The following LARP4 variants were observed in gnomAD, a reference collection of about 807,000 sequenced individuals.
The protein encoded by LARP4 is la-related protein 4.
Under a neutral mutation model 92.9 loss-of-function variants are expected in LARP4, and 29 were observed. The ratio of observed to expected loss-of-function variants is 0.31; its 90% CI spans 0.23 to 0.43. The LOEUF is 0.43. Ranked by LOEUF, LARP4 falls within the 20% of genes least tolerant of loss-of-function variation. The pLI is 1.00. For missense variants in LARP4, 732 were observed against 860.0 expected (o/e 0.85, Z 1.86); for synonymous variants, 279 against 284.1 (o/e 0.98, Z 0.18).
chr12:50,462,562 CA>C lies in LARP4; in HGVS notation c.1335-19del. On this transcript the variant is annotated intron_variant, in intron 11 of 15. Transcript: ENST00000398473. ...TTGTCCCTCCACCCCACCCCACCCC[CA>C]CCTTTTTCTTATTAAAAGGAGAACT... 1 of 1,454,602 alleles carries C rather than the reference CA, an allele frequency of 6.9e-7. No homozygotes were observed. The highest frequency in any genetic ancestry group is 9.5e-7 in the Non-Finnish European group (1 of 1,050,070). 90.1% of individuals were successfully genotyped at this position (1,454,602 alleles called of 1,614,324 possible). A position where few individuals can be genotyped will look rare whatever the true frequency, so the allele number is the denominator to read the frequency against.
At chr12:50,457,752 T>G (rs959755888) in intron 10 of LARP4, among the ~76,000 whole-genome samples, 2 of 150,050 alleles carry the variant, frequency 1.3e-5, no homozygotes, top group Admixed American at 6.7e-5. Context: ...AGGCAGAGGT[T>G]GTAATGAGCT....
chr12:50,435,553 G>C lies in LARP4; in HGVS notation c.464G>C (p.Trp155Ser), dbSNP rs753577735. The C allele has an allele frequency of 2.5e-6, 4 of 1,601,304 alleles. No individual in the cohort carries two copies. The Admixed American group carries it at 6.7e-5, about 27-fold the overall frequency. Reference sequence around the variant, plus strand: ...GATAGTGATCAGTTCATCCCAATTTGGACAGTTGCCAACATGGAAGAAATA... The same window carrying C: ...GATAGTGATCAGTTCATCCCAATTTCGACAGTTGCCAACATGGAAGAAATA... ...QMDSDQFIPIWTVANMEEIKK... is the reference protein window; with the variant it reads ...QMDSDQFIPISTVANMEEIKK... Residue 155 changes from tryptophan (W) to serine (S), a missense_variant, in exon 5 of 16, where the codon TGG becomes TCG. This residue lies in a region of LARP4 where 236 missense variants were observed against 307.6 expected (regional missense o/e 0.77). Coordinates refer to ENST00000398473, the MANE Select transcript of LARP4 (RefSeq NM_052879.5).
At chr12:50,421,648 A>AAATAAATG (rs1947817789) in intron 1 of LARP4, among the ~76,000 whole-genome samples, 3 of 9,484 alleles carry the variant, frequency 3.2e-4, no homozygotes, top group African/African-American at 3.3e-4. Context: ...ATCACAAAAT[A>AAATAAATG]AATAAATAAA....
intron 7 of LARP4, among the ~76,000 whole-genome samples, chr12:50,440,780 T>C (rs1951083816): frequency 6.6e-6 from 1 of 152,196 alleles, no homozygotes; most frequent in South Asian, 2.1e-4. Flanking sequence ...ACATAACAGT[T>C]TTAAAATTAA....
intron 5 of LARP4, among the ~76,000 whole-genome samples, chr12:50,436,242 G>A (rs1001620169): frequency 1.3e-5 from 2 of 150,838 alleles, no homozygotes; most frequent in Non-Finnish European, 2.9e-5. Flanking sequence ...GTATATGTGT[G>A]TATGTATATA....
chr12:50,434,025 C>T (rs957614923), intron 4 of LARP4, among the ~76,000 whole-genome samples: 1 of 152,132 alleles, frequency 6.6e-6, no homozygotes, highest in Non-Finnish European at 1.5e-5. Context: ...ATTGATTGAA[C>T]AGCAGCGATC....
chr12:50,447,599 C>T (rs544575207), intron 8 of LARP4, among the ~76,000 whole-genome samples: 72 of 152,174 alleles, frequency 4.7e-4, no homozygotes, highest in African/African-American at 1.7e-3. Flanking sequence ...TTTAAAGAGA[C>T]AGGGTCTCAC....
At chr12:50,426,435 A>AGTG (rs1343923685) in intron 1 of LARP4, among the ~76,000 whole-genome samples, 1 of 152,188 alleles carries the variant, frequency 6.6e-6, no homozygotes, top group Non-Finnish European at 1.5e-5. Context: ...GCTTCAAATC[A>AGTG]GTGGCTACCA....
At chr12:50,456,343 A>G (rs1427347731) in intron 10 of LARP4, among the ~76,000 whole-genome samples, 1 of 152,034 alleles carries the variant, frequency 6.6e-6, no homozygotes, top group Non-Finnish European at 1.5e-5. Context: ...TGACCAATAC[A>G]GGTTGGTAAT....
intron 8 of LARP4, among the ~76,000 whole-genome samples, chr12:50,444,759 A>C (rs1951744774): frequency 6.6e-6 from 1 of 152,192 alleles, no homozygotes; most frequent in African/African-American, 2.4e-5. Flanking sequence ...TTTCATTAAG[A>C]GGCAGTGCTT....
At position 50,475,624 on chromosome 12, in the gene LARP4, G is replaced by A. The variant is rs1565777119; in HGVS notation, c.1935G>A (p.Val645=). Reference sequence around the variant, plus strand: ...CACTACGGGAACTTCGCTCCAATGTGGTGTCTCCCACCAAAAATGAAGACA... The same window carrying A: ...CACTACGGGAACTTCGCTCCAATGTAGTGTCTCCCACCAAAAATGAAGACA... ...VQPLRELRSN[V]VSPTKNEDNG... is the part of the protein sequence containing the mutation. Residue 645 remains valine (V), a synonymous_variant, in exon 16 of 16, where the codon GTG becomes GTA. Coordinates refer to ENST00000398473, the MANE Select transcript of LARP4 (RefSeq NM_052879.5). The A allele has an allele frequency of 6.2e-7, 1 of 1,614,044 alleles. No homozygotes were observed. Among genetic ancestry groups the A allele is most frequent in the Non-Finnish European group, 8.5e-7 (1 of 1,180,012 alleles).
chr12:50,418,167 TTG>T (rs1947166310), intron 1 of LARP4, among the ~76,000 whole-genome samples: 1 of 152,070 alleles, frequency 6.6e-6, no homozygotes, highest in Non-Finnish European at 1.5e-5. Flanking sequence ...GGCCCAATTT[TTG>T]TGTTTTTATT....
intron 8 of LARP4, among the ~76,000 whole-genome samples, chr12:50,442,844 C>T (rs1237532096): frequency 6.6e-6 from 1 of 152,180 alleles, no homozygotes; most frequent in East Asian, 1.9e-4. Flanking sequence ...TTAAGAGGTT[C>T]TAAGAACTTA....
intron 8 of LARP4, among the ~76,000 whole-genome samples, chr12:50,446,072 G>A (rs558275544): frequency 4.2e-5 from 6 of 144,286 alleles, no homozygotes; most frequent in Admixed American, 1.4e-4. Context: ...GCACAAACTC[G>A]GCTCACTGCA....
In LARP4 at chr12:50,461,162, T is replaced by C. The variant is rs1412637944; in HGVS notation, c.1149T>C (p.Gly383=). 6.2e-7 allele frequency: 1 copy of C among 1,614,060 alleles called. No individual in the cohort carries two copies. The highest frequency in any genetic ancestry group is 8.5e-7 in the Non-Finnish European group (1 of 1,179,934). ...NRVKPQFRSS[G]GSEHSTEGSV... ...TGAAGCCTCAGTTTAGGTCATCTGGTGGTTCAGAACACTCAACAGAGGGCT... is the reference window on the plus strand; with the variant it reads ...TGAAGCCTCAGTTTAGGTCATCTGGCGGTTCAGAACACTCAACAGAGGGCT... The change falls in exon 11 of 16, where the codon GGT becomes GGC. Residue 383 remains glycine, a synonymous_variant. Transcript: ENST00000398473.
chr12:50,463,601 A>T (rs986180722), intron 12 of LARP4, among the ~76,000 whole-genome samples: 2 of 151,744 alleles, frequency 1.3e-5, no homozygotes, highest in Admixed American at 1.3e-4. Flanking sequence ...ATAATAAACA[A>T]AATAATCTCC....
chr12:50,430,698 G>T (rs1329559615), intron 4 of LARP4, 128 bp downstream of exon 4: 5 of 554,736 alleles, frequency 9.0e-6, no homozygotes, highest in South Asian at 8.1e-5. Context: ...GTCTCATGTT[G>T]TCGCTGGGCT....
At chr12:50,456,959 C>T (rs1346690149) in intron 10 of LARP4, among the ~76,000 whole-genome samples, 1 of 152,054 alleles carries the variant, frequency 6.6e-6, no homozygotes, top group Non-Finnish European at 1.5e-5. Context: ...TGTCACCGGG[C>T]TGTAGTGTAG....
chr12:50,465,170 A>G (rs1008393780), intron 12 of LARP4, among the ~76,000 whole-genome samples: 3 of 151,892 alleles, frequency 2.0e-5, no homozygotes, highest in Non-Finnish European at 1.5e-5. Flanking sequence ...GTAGGATTTC[A>G]AGACCATCCT....
Sources: gnomAD v4.1 joint callset for allele counts (sites outside exome capture counted in the v4.1 genomes callset) on GRCh38, gnomAD v4.1.1 for gene constraint, gnomAD v4.1.1 regional missense constraint, MANE v1.5 for transcripts, NCBI Gene and HGNC (gene_info 2026-07-23, HGNC 2026-07-21) for gene names.